Variants in TMCO5A observed in about 807,000 individuals in gnomAD.
TMCO5A encodes transmembrane and coiled-coil domain-containing protein 5A.
Under a neutral mutation model 42.3 loss-of-function variants are expected in TMCO5A, and 34 were observed. The ratio of observed to expected loss-of-function variants is 0.80; its 90% CI spans 0.61 to 1.07. The LOEUF is 1.07. Ranked by LOEUF, TMCO5A falls within the 50% of genes least tolerant of loss-of-function variation. The pLI is 0.00. For synonymous variants in TMCO5A, 131 were observed against 115.6 expected (o/e 1.13, Z -0.86); for missense variants, 357 against 327.9 (o/e 1.09, Z -0.69).
downstream of TMCO5A, among the ~76,000 whole-genome samples, chr15:37,972,394 C>A (rs566684722): frequency 6.6e-6 from 1 of 152,280 alleles, no homozygotes; most frequent in South Asian, 2.1e-4. Flanking sequence ...ATATCACAGT[C>A]CCACCAACAA....
chr15:37,979,418 G>A, the TMCO5A span, among the ~76,000 whole-genome samples: 1 of 152,180 alleles, frequency 6.6e-6, no homozygotes, highest in Non-Finnish European at 1.5e-5. Context: ...TTGGCAGAAT[G>A]TGGTAGGCTC....
chr15:37,937,055 C>T, intron 4 of TMCO5A, 85 bp downstream of exon 4: 2 of 1,558,818 alleles, frequency 1.3e-6, no homozygotes. Context: ...CTTGTCTCTC[C>T]TTTTTATACA....
chr15:38,030,835 C>T, the TMCO5A span, among the ~76,000 whole-genome samples: 1 of 152,154 alleles, frequency 6.6e-6, no homozygotes, highest in Non-Finnish European at 1.5e-5. Flanking sequence ...GTTTACATGG[C>T]ACCTCCTCAA....
At position 37,938,228 on chromosome 15, in the gene TMCO5A, A is replaced by C; in HGVS notation, c.386A>C (p.Lys129Thr). 6.5e-7 allele frequency: 1 copy of C among 1,549,068 alleles called. No homozygotes were observed. Among genetic ancestry groups the C allele is most frequent in the Non-Finnish European group, 8.7e-7 (1 of 1,151,942 alleles). Residue 129 changes from lysine (K) to threonine (T), a missense_variant and splice_region_variant, in exon 6 of 12, where the codon AAG becomes ACG. Physicochemically the swap from Lys to Thr is moderately conservative, Grantham distance 78. Transcript: ENST00000319669. ...SSPDGALEET[K>T]VKLQQLEASY... ...CCAGATGGAGCCCTAGAAGAGACAA[A>C]GGTAAATGAAAAAAACAATCCTAAA...
intron 5 of TMCO5A, 110 bp downstream of exon 5, chr15:37,937,506 G>A (rs1157277191): frequency 9.1e-6 from 10 of 1,103,504 alleles, no homozygotes; most frequent in Non-Finnish European, 1.4e-5. Context: ...AGAGAGGCCT[G>A]TATGTGGAGT....
At chr15:37,958,409 A>G (rs182621901) in intron 11 of TMCO5A, among the ~76,000 whole-genome samples, 2,442 of 152,114 alleles carry the variant, frequency 0.016, 75 homozygotes, top group African/African-American at 0.056. Flanking sequence ...CAAACAAACA[A>G]CTCCACCAAA....
rs777220374 is a variant in TMCO5A at position 37,938,013 on chromosome 15, T to G, written c.316-145T>G. ...GAAGAAGACAGAGGTAGAACAAAGATGTTTCCACAGGTCACCAAATATCTA... is the reference window on the plus strand; with the variant it reads ...GAAGAAGACAGAGGTAGAACAAAGAGGTTTCCACAGGTCACCAAATATCTA... On this transcript the variant is annotated intron_variant, in intron 5 of 11. Coordinates refer to ENST00000319669, the MANE Select transcript of TMCO5A (RefSeq NM_152453.4). 4.4e-6 allele frequency: 3 copies of G among 687,150 alleles called. No individual in the cohort carries two copies. The East Asian group carries it at 8.4e-5, about 19-fold the overall frequency. 42.6% of individuals were successfully genotyped at this position (687,150 alleles called of 1,614,324 possible).
rs1222093090 is a variant in TMCO5A at position 37,943,284 on chromosome 15, A to T, written c.570-57A>T. 4.6e-6 allele frequency: 7 copies of T among 1,518,684 alleles called. No homozygotes were observed. In the Admixed American group the frequency reaches 6.8e-5, roughly 15 times the overall value. The allele number at this position is 1,518,684 out of a possible 1,614,324, so 94.1% of individuals were successfully genotyped here. On this transcript the variant is annotated intron_variant, in intron 9 of 11. Coordinates refer to ENST00000319669, the MANE Select transcript of TMCO5A (RefSeq NM_152453.4). ...AGCTTTTTTAAAATAACCATAGTGT[A>T]GTATGAATATTTCAGTGCACTTTGT...
At chr15:38,002,733 A>T in the TMCO5A span, among the ~76,000 whole-genome samples, 1 of 151,996 alleles carries the variant, frequency 6.6e-6, no homozygotes, top group Admixed American at 6.6e-5. Flanking sequence ...CATTAATTTC[A>T]TCTGATAGGA....
chr15:37,970,937 T>C (rs1890662812), downstream of TMCO5A, among the ~76,000 whole-genome samples: 1 of 152,198 alleles, frequency 6.6e-6, no homozygotes, highest in African/African-American at 2.4e-5. Context: ...TGGCCTGGCA[T>C]TGAGTGTCTG....
the TMCO5A span, among the ~76,000 whole-genome samples, chr15:38,010,313 T>C: frequency 6.9e-6 from 1 of 145,448 alleles, no homozygotes; most frequent in Non-Finnish European, 1.5e-5. Flanking sequence ...GAGGCGGAGC[T>C]TGGGTGAGCT....
chr15:38,015,283 T>C, the TMCO5A span, among the ~76,000 whole-genome samples: 4 of 152,138 alleles, frequency 2.6e-5, no homozygotes, highest in African/African-American at 9.6e-5. Flanking sequence ...AACTTTCCAA[T>C]TAGAGGACAG....
chr15:37,959,081 A>G (rs1299091418), intron 11 of TMCO5A, among the ~76,000 whole-genome samples: 1 of 151,770 alleles, frequency 6.6e-6, no homozygotes, highest in Non-Finnish European at 1.5e-5. Flanking sequence ...GAACACATGG[A>G]CACAGAGGGG....
At chr15:37,980,473 C>G in the TMCO5A span, among the ~76,000 whole-genome samples, 4 of 152,230 alleles carry the variant, frequency 2.6e-5, no homozygotes, top group South Asian at 2.1e-4. Context: ...TGTCCTGTCT[C>G]TCTCTTCTCC....
chr15:37,939,048 G>A (rs1226064754), intron 6 of TMCO5A, among the ~76,000 whole-genome samples: 2 of 152,056 alleles, frequency 1.3e-5, no homozygotes, highest in Admixed American at 6.6e-5. Context: ...TGTGCACAAC[G>A]TGCAGGTTTG....
chr15:37,995,118 C>G, the TMCO5A span, among the ~76,000 whole-genome samples: 1 of 152,068 alleles, frequency 6.6e-6, no homozygotes, highest in African/African-American at 2.4e-5. Flanking sequence ...CTCCCTACGC[C>G]CACATACCAG....
chr15:37,944,526 CA>C (rs1444554758), intron 10 of TMCO5A: 1 of 152,092 alleles, frequency 6.6e-6, no homozygotes, highest in Non-Finnish European at 1.5e-5. Context: ...TAATCTTACT[CA>C]AACTATAGAT....
At chr15:37,996,019 C>T in the TMCO5A span, among the ~76,000 whole-genome samples, 7 of 152,132 alleles carry the variant, frequency 4.6e-5, no homozygotes, top group East Asian at 1.9e-4. Context: ...CCTAGGGGGA[C>T]GTTAATTCTG....
chr15:37,984,405 G>A, the TMCO5A span, among the ~76,000 whole-genome samples: 1 of 152,072 alleles, frequency 6.6e-6, no homozygotes, highest in Admixed American at 6.6e-5. Context: ...GACTTTCAGA[G>A]GACCAGAAAA....
Sources: allele counts gnomAD v4.1 joint callset (sites outside exome capture counted in the v4.1 genomes callset), GRCh38; gene constraint gnomAD v4.1.1; transcripts MANE v1.5; gene names NCBI Gene and HGNC (gene_info 2026-07-23, HGNC 2026-07-21).